The following CTNND2 variants were observed in gnomAD, a reference collection of about 807,000 sequenced individuals.
The protein encoded by CTNND2 is catenin delta 2.
Under a neutral mutation model 144.4 loss-of-function variants are expected in CTNND2, and 22 were observed. The ratio of observed to expected loss-of-function variants is 0.15; its 90% confidence interval spans 0.11 to 0.22. CTNND2 has a LOEUF of 0.22. Among genes scored for constraint, CTNND2 ranks in the 10% least tolerant of loss-of-function variants. CTNND2 has a pLI of 1.00. For missense variants in CTNND2, 1,353 were observed against 1,618.8 expected (o/e 0.84, Z 2.82); for synonymous variants, 751 against 695.6 (o/e 1.08, Z -1.25).
rs995528611 is a variant in CTNND2 at position 11,089,996 on chromosome 5, G to A, written c.2638-7150C>T. ...TGCACACCAGCCTGGGTGACAGAAC[G>A]AAACTCTGTCTCAAAAAAAATAAAT... On this transcript the variant is annotated intron_variant, in intron 15 of 21. Coordinates refer to ENST00000304623, the MANE Select transcript of CTNND2 (RefSeq NM_001332.4). 3.9e-5 allele frequency among the ~76,000 whole-genome samples: 6 copies of A among 152,254 alleles called. No individual in the cohort carries two copies. The East Asian group carries it at 7.7e-4, about 20-fold the overall frequency.
intron 2 of CTNND2, among the ~76,000 whole-genome samples, chr5:11,618,544 G>C (rs759916786): frequency 3.3e-5 from 5 of 152,064 alleles, no homozygotes; most frequent in Non-Finnish European, 5.9e-5. Context: ...TGTCCACACA[G>C]GTGCATGCAC....
In CTNND2 at chr5:11,848,956, T is replaced by C. The variant is rs557626309; in HGVS notation, c.37+54861A>G. ...TAAACTTGGAGCTCCCATTGACATA[T>C]TGACACTACTTATAAAAAGCCTGCT... On this transcript the variant is annotated intron_variant, in intron 1 of 21. Transcript: ENST00000304623. Among the ~76,000 whole-genome samples the C allele has an allele frequency of 2.9e-3, 441 of 152,198 alleles. 4 individuals are homozygous for C. The highest frequency in any genetic ancestry group is 0.017 in the Middle Eastern group (5 of 294).
chr5:11,798,722 G>A (rs1415547283), intron 1 of CTNND2, among the ~76,000 whole-genome samples: 7 of 152,116 alleles, frequency 4.6e-5, no homozygotes, highest in African/African-American at 1.7e-4. Context: ...AACTGAGATC[G>A]CGCCACTGCA....
intron 7 of CTNND2, among the ~76,000 whole-genome samples, chr5:11,380,126 C>A (rs1375839446): frequency 6.6e-6 from 1 of 152,194 alleles, no homozygotes. Flanking sequence ...AGGATGCTCC[C>A]ATAGTAACTA....
At chr5:11,597,740 A>T (rs1042978576) in intron 2 of CTNND2, among the ~76,000 whole-genome samples, 4 of 152,056 alleles carry the variant, frequency 2.6e-5, no homozygotes, top group Non-Finnish European at 5.9e-5. Context: ...TGCCCAGCTA[A>T]TTTTTGTATT....
At chr5:11,892,998 GACAGC>G (rs1356832842) in intron 1 of CTNND2, among the ~76,000 whole-genome samples, 1 of 152,156 alleles carries the variant, frequency 6.6e-6, no homozygotes, top group African/African-American at 2.4e-5. Flanking sequence ...TTCAACTTAA[GACAGC>G]ACTTTACCCA....
intron 2 of CTNND2, among the ~76,000 whole-genome samples, chr5:11,585,830 A>G (rs938923586): frequency 6.6e-6 from 1 of 152,116 alleles, no homozygotes; most frequent in African/African-American, 2.4e-5. Context: ...GCGTGTGTAT[A>G]CCTGGGCTGG....
chr5:11,132,852 C>G (rs890583042), intron 12 of CTNND2, among the ~76,000 whole-genome samples: 3 of 152,180 alleles, frequency 2.0e-5, no homozygotes, highest in Non-Finnish European at 2.9e-5. Flanking sequence ...CTTCCTATAA[C>G]CTCTTAGAAA....
chr5:11,778,172 C>G (rs934520904), intron 1 of CTNND2, among the ~76,000 whole-genome samples: 6 of 152,072 alleles, frequency 3.9e-5, no homozygotes, highest in African/African-American at 1.4e-4. Flanking sequence ...CATACAACAC[C>G]GTTCAGCTGG....
intron 19 of CTNND2, among the ~76,000 whole-genome samples, chr5:10,990,415 T>G (rs570893651): frequency 6.6e-6 from 1 of 152,340 alleles, no homozygotes; most frequent in East Asian, 1.9e-4. Flanking sequence ...AGTTCCTGTC[T>G]GCTCGCTGGT....
intron 3 of CTNND2, among the ~76,000 whole-genome samples, chr5:11,452,827 T>G (rs997143128): frequency 6.6e-6 from 1 of 152,210 alleles, no homozygotes; most frequent in East Asian, 1.9e-4. Context: ...ACACATAATA[T>G]GTGCGCACAT....
chr5:11,122,238 T>C (rs1754216326), intron 12 of CTNND2, among the ~76,000 whole-genome samples: 1 of 144,404 alleles, frequency 6.9e-6, no homozygotes, highest in African/African-American at 2.7e-5. Flanking sequence ...CGAGGCAGTT[T>C]CAACTTGCAA....
At chr5:11,592,163 C>T (rs1297626296) in intron 2 of CTNND2, among the ~76,000 whole-genome samples, 2 of 72,732 alleles carry the variant, frequency 2.7e-5, no homozygotes, top group African/African-American at 1.7e-4. Context: ...TTCCTGCCTG[C>T]CTGCCTTCCT....
At chr5:11,205,056 G>A (rs1737900221) in intron 10 of CTNND2, among the ~76,000 whole-genome samples, 1 of 152,118 alleles carries the variant, frequency 6.6e-6, no homozygotes, top group African/African-American at 2.4e-5. Context: ...TTCCTCTCAG[G>A]AATCTTTCAT....
Position 11,904,054 on chromosome 5 carries a change from C to A in CTNND2, c.-201G>T. The A allele has an allele frequency of 2.8e-6, 1 of 354,384 alleles. No homozygotes were observed. Among genetic ancestry groups the A allele is most frequent in the Non-Finnish European group, 4.4e-6 (1 of 224,926 alleles). 22.0% of individuals were successfully genotyped at this position (354,384 alleles called of 1,614,324 possible). On this transcript the variant is annotated 5_prime_UTR_variant, in exon 1 of 22. Transcript: ENST00000304623. The surrounding 1 kb of genome is among the most constrained non-coding windows in gnomAD (Gnocchi z 4.2). The stretch of plus-strand genomic sequence containing the variant: ...GGCGGCTCCCGACGCGAGTGCGCAG[C>A]GCCCGGCCCGGCGGCCCCTCCGAGC...
At chr5:11,128,355 C>A (rs188930898) in intron 12 of CTNND2, among the ~76,000 whole-genome samples, 2 of 152,126 alleles carry the variant, frequency 1.3e-5, no homozygotes, top group African/African-American at 2.4e-5. Flanking sequence ...CTGCTAACAA[C>A]CTGCAGTAGC....
At chr5:11,586,434 T>C (rs1561592274) in intron 2 of CTNND2, among the ~76,000 whole-genome samples, 1 of 152,200 alleles carries the variant, frequency 6.6e-6, no homozygotes, top group Non-Finnish European at 1.5e-5. Flanking sequence ...ATACAAGACA[T>C]TTCGAATGCA....
At chr5:11,865,159 T>TA (rs1795701549) in intron 1 of CTNND2, among the ~76,000 whole-genome samples, 2 of 152,038 alleles carry the variant, frequency 1.3e-5, no homozygotes, top group Non-Finnish European at 2.9e-5. Context: ...CCTCCCAAAG[T>TA]GTTGGGATTA....
At chr5:11,546,186 G>A (rs900871748) in intron 3 of CTNND2, among the ~76,000 whole-genome samples, 5 of 152,074 alleles carry the variant, frequency 3.3e-5, no homozygotes, top group Non-Finnish European at 7.4e-5. Flanking sequence ...TTCTAAAATG[G>A]ACTGTGGTGA....
Sources: gnomAD v4.1 joint callset for allele counts (sites outside exome capture counted in the v4.1 genomes callset) on GRCh38, gnomAD v4.1.1 for gene constraint, Gnocchi (gnomAD v3.1) non-coding constraint, MANE v1.5 for transcripts, NCBI Gene and HGNC (gene_info 2026-07-23, HGNC 2026-07-21) for gene names.